CIB4: variants seen among roughly 807,000 people sequenced by gnomAD.
The protein encoded by CIB4 is calcium and integrin binding family member 4, also known as calcium and integrin-binding family member 4.
Under a neutral mutation model 25.8 loss-of-function variants are expected in CIB4, and 25 were observed. That is an observed-to-expected ratio of 0.97 (90% CI 0.71 to 1.35). The LOEUF is 1.35. Ranked by LOEUF, CIB4 falls within the 40% of genes most tolerant of loss-of-function variation. The pLI is 0.00. For synonymous variants in CIB4, 75 were observed against 81.4 expected, an observed-to-expected ratio of 0.92 and a Z score of 0.42; for missense variants, 235 against 228.2, an observed-to-expected ratio of 1.03 and a Z score of -0.19.
At chr2:26,630,789 G>C (rs1453744828) in intron 2 of CIB4, among the ~76,000 whole-genome samples, 1 of 152,100 alleles carries the variant, frequency 6.6e-6, no homozygotes, top group African/African-American at 2.4e-5. Context: ...GTGTTTGGTA[G>C]GTAAGAGTGT....
At chr2:26,618,097 A>G (rs1669129388) in intron 3 of CIB4, among the ~76,000 whole-genome samples, 1 of 151,978 alleles carries the variant, frequency 6.6e-6, no homozygotes, top group African/African-American at 2.4e-5. Context: ...CTCTGAAAAA[A>G]CTGATCAAAA....
chr2:26,602,247 C>T (rs534527095), intron 3 of CIB4, among the ~76,000 whole-genome samples: 48 of 152,250 alleles, frequency 3.2e-4, no homozygotes, highest in African/African-American at 1.0e-3. Flanking sequence ...GAGGAAGTGA[C>T]CAAGTAACTT....
At chr2:26,639,962 G>C (rs905459229) in intron 2 of CIB4, among the ~76,000 whole-genome samples, 2 of 152,166 alleles carry the variant, frequency 1.3e-5, no homozygotes, top group African/African-American at 4.8e-5. Flanking sequence ...CACGAGAAGG[G>C]TATTTGGCCA....
intron 3 of CIB4, among the ~76,000 whole-genome samples, chr2:26,628,460 G>A (rs1669350382): frequency 1.3e-5 from 2 of 152,150 alleles, no homozygotes; most frequent in South Asian, 2.1e-4. Context: ...CAGCAAGGGT[G>A]TGTGTTTGTG....
At chr2:26,619,192 G>A (rs972067515) in intron 3 of CIB4, among the ~76,000 whole-genome samples, 9 of 152,200 alleles carry the variant, frequency 5.9e-5, no homozygotes, top group African/African-American at 2.2e-4. Context: ...TCCCTCTGGG[G>A]ATGAAATCAA....
chr2:26,611,842 T>C (rs1018980712), intron 3 of CIB4, among the ~76,000 whole-genome samples: 2 of 152,174 alleles, frequency 1.3e-5, no homozygotes, highest in African/African-American at 2.4e-5. Flanking sequence ...GAAAAAGCAT[T>C]TATGCCTAAT....
At chr2:26,581,740 G>C (rs528700942) in intron 6 of CIB4, among the ~76,000 whole-genome samples, 1 of 152,234 alleles carries the variant, frequency 6.6e-6, no homozygotes, top group Non-Finnish European at 1.5e-5. Flanking sequence ...GGCTGGGGTG[G>C]TCCCAAGTGT....
chr2:26,595,275 T>C lies in CIB4; in HGVS notation c.229A>G (p.Lys77Glu). ...RDRICRVFSH[K>E]GMFSFEDVLG... Reference sequence around the variant, plus strand: ...ACATCCTCAAAGGAGAACATGCCTTTGTGGGAGAACACTCTGCAGATACGG... The same window carrying C: ...ACATCCTCAAAGGAGAACATGCCTTCGTGGGAGAACACTCTGCAGATACGG... Residue 77 changes from lysine to glutamate, a missense_variant, in exon 4 of 7, where the codon AAA becomes GAA. Lys to Glu is a moderately conservative substitution (Grantham distance 56). Transcript: ENST00000288861. 1 of 1,614,164 alleles carries C rather than the reference T, an allele frequency of 6.2e-7. No homozygotes were observed. The highest frequency in any genetic ancestry group is 8.5e-7 in the Non-Finnish European group (1 of 1,180,010).
chr2:26,613,741 G>A (rs773352967), intron 3 of CIB4, among the ~76,000 whole-genome samples: 12 of 152,158 alleles, frequency 7.9e-5, no homozygotes, highest in East Asian at 1.9e-4. Context: ...AGTTGTATCC[G>A]GTGCCTGGCA....
chr2:26,593,139 A>G (rs1259267034), intron 4 of CIB4, among the ~76,000 whole-genome samples: 1 of 152,190 alleles, frequency 6.6e-6, no homozygotes, highest in East Asian at 1.9e-4. Context: ...TCCCATCCAC[A>G]GACATTGATG....
At chr2:26,636,901 C>A (rs74659368) in intron 2 of CIB4, among the ~76,000 whole-genome samples, 1,972 of 152,256 alleles carry the variant, frequency 0.013, 53 homozygotes, top group African/African-American at 0.045. Context: ...TCAGGATCTT[C>A]TCATCATCTC....
In CIB4 at chr2:26,601,234, ATATATATAT is replaced by A. The variant is rs1558561096; in HGVS notation, c.187-5926_187-5918del. 1.0e-2 allele frequency among the ~76,000 whole-genome samples: 88 copies of A among 8,824 alleles called. 7 individuals are homozygous for A. The highest frequency in any genetic ancestry group is 0.015 in the African/African-American group (72 of 4,886). 5.8% of individuals were successfully genotyped at this position (8,824 alleles called of 152,430 possible). A position where few individuals can be genotyped will look rare whatever the true frequency, so the allele number is the denominator to read the frequency against. On this transcript the variant is annotated intron_variant, in intron 3 of 6. Transcript: ENST00000288861. Reference sequence around the variant, plus strand: ...GACCATGTCAAAAAAAAAAAAAAATATATATATATATATATATATATATATATATATATA... The same window carrying A: ...GACCATGTCAAAAAAAAAAAAAAATAATATATATATATATATATATATATA...
intron 4 of CIB4, among the ~76,000 whole-genome samples, chr2:26,594,808 C>T (rs1668648779): frequency 6.6e-6 from 1 of 152,218 alleles, no homozygotes; most frequent in East Asian, 1.9e-4. Context: ...AACGATTTGT[C>T]CAAGATTGTT....
chr2:26,607,756 G>A (rs772296982), intron 3 of CIB4, among the ~76,000 whole-genome samples: 29 of 152,232 alleles, frequency 1.9e-4, no homozygotes, highest in Non-Finnish European at 4.3e-4. Flanking sequence ...TGGTAGAGCT[G>A]TTCATTTTGA....
chr2:26,613,571 T>C (rs557389991), intron 3 of CIB4, among the ~76,000 whole-genome samples: 2 of 152,366 alleles, frequency 1.3e-5, no homozygotes, highest in African/African-American at 4.8e-5. Flanking sequence ...CATTCTGTCA[T>C]CCAGTCTTCG....
At chr2:26,640,147 C>T (rs1240015681) in intron 2 of CIB4, among the ~76,000 whole-genome samples, 3 of 152,124 alleles carry the variant, frequency 2.0e-5, no homozygotes, top group Non-Finnish European at 4.4e-5. Context: ...GAAGTCTGGG[C>T]TTCAGTCATG....
chr2:26,602,159 A>G (rs1017139589), intron 3 of CIB4, among the ~76,000 whole-genome samples: 2 of 152,252 alleles, frequency 1.3e-5, no homozygotes, highest in Non-Finnish European at 2.9e-5. Context: ...AGAATCCAGG[A>G]TGGAATACAG....
chr2:26,638,524 A>G (rs1449925242), intron 2 of CIB4, among the ~76,000 whole-genome samples: 1 of 152,054 alleles, frequency 6.6e-6, no homozygotes, highest in East Asian at 1.9e-4. Flanking sequence ...TATAGGAGGA[A>G]CCCCAGGGGT....
intron 2 of CIB4, among the ~76,000 whole-genome samples, chr2:26,633,413 T>A (rs1203424725): frequency 6.6e-6 from 1 of 151,928 alleles, no homozygotes; most frequent in Non-Finnish European, 1.5e-5. Flanking sequence ...AGAGACGGAG[T>A]GGAGGGCTGA....
Sources: gnomAD v4.1 joint callset for allele counts (sites outside exome capture counted in the v4.1 genomes callset) on GRCh38, gnomAD v4.1.1 for gene constraint, MANE v1.5 for transcripts, NCBI Gene and HGNC (gene_info 2026-07-23, HGNC 2026-07-21) for gene names.